MAP3K5: variants seen among roughly 807,000 people sequenced by gnomAD.
The protein encoded by MAP3K5 is mitogen-activated protein kinase kinase kinase 5.
Under a neutral mutation model 158.7 loss-of-function variants are expected in MAP3K5, and 56 were observed. That is an observed-to-expected ratio of 0.35 (90% CI 0.28 to 0.44). The LOEUF (loss-of-function observed/expected upper bound fraction) is 0.44, where lower values mean the gene tolerates loss of function less well. Ranked by LOEUF, MAP3K5 falls within the 20% of genes least tolerant of loss-of-function variation. MAP3K5 has a pLI of 1.00. For missense variants in MAP3K5, 1,294 were observed against 1,674.8 expected (o/e 0.77, Z 3.97); for synonymous variants, 579 against 601.7 (o/e 0.96, Z 0.55).
At position 136,697,234 on chromosome 6, in the gene MAP3K5, G is replaced by A; in HGVS notation, c.960C>T (p.Ser320=). 6.2e-7 allele frequency: 1 copy of A among 1,612,824 alleles called. No individual in the cohort carries two copies. The highest frequency in any genetic ancestry group is 1.1e-5 in the South Asian group (1 of 90,864). Residue 320 remains serine (S), a synonymous_variant, in exon 5 of 30, where the codon TCC becomes TCT. Coordinates refer to ENST00000359015, the MANE Select transcript of MAP3K5 (RefSeq NM_005923.4). ...TADIVINLLL[S]YRDIQDYDSI... is the part of the protein sequence containing the mutation. ...ATCTTCTCACCTGGATATCTCTGTA[G>A]GAAAGTAACAGATTTATGACAATAT...
chr6:136,609,157 G>C lies in MAP3K5; in HGVS notation c.2521+2125C>G, dbSNP rs1240203617. On this transcript the variant is annotated intron_variant, in intron 18 of 29. Transcript: ENST00000359015. The surrounding 1 kb of genome is among the most constrained non-coding windows in gnomAD (Gnocchi z 4.4). ...CTGTGTTAACATCCTGTCCCACAAAGTGTGTGAAACGAGGGATTTTCCTCT... is the reference window on the plus strand; with the variant it reads ...CTGTGTTAACATCCTGTCCCACAAACTGTGTGAAACGAGGGATTTTCCTCT... 6.6e-6 allele frequency among the ~76,000 whole-genome samples: 1 copy of C among 152,196 alleles called. No homozygotes were observed. Among genetic ancestry groups the C allele is most frequent in the Non-Finnish European group, 1.5e-5 (1 of 68,026 alleles).
chr6:136,675,714 G>C (rs755302670), intron 7 of MAP3K5, among the ~76,000 whole-genome samples: 2 of 152,002 alleles, frequency 1.3e-5, no homozygotes, highest in African/African-American at 2.4e-5. Context: ...CTTTCATCTA[G>C]TAAACGAACA....
chr6:136,682,315 G>T (rs976604143), intron 7 of MAP3K5, among the ~76,000 whole-genome samples: 1 of 152,184 alleles, frequency 6.6e-6, no homozygotes, highest in African/African-American at 2.4e-5. Context: ...GGTGGGGAGA[G>T]AGGGGGAAGG....
intron 11 of MAP3K5, chr6:136,647,840 C>T (rs1778338213): frequency 6.6e-6 from 1 of 152,560 alleles, no homozygotes; most frequent in Non-Finnish European, 1.5e-5. Flanking sequence ...CCATGCCTCA[C>T]TGATCTTCCT....
chr6:136,769,392 T>C (rs552141145), intron 1 of MAP3K5, among the ~76,000 whole-genome samples: 1 of 152,172 alleles, frequency 6.6e-6, no homozygotes, highest in East Asian at 1.9e-4. Context: ...GGGTTTATTT[T>C]TGAGGTGCCA....
At chr6:136,564,538 G>T (rs1774001684) in intron 26 of MAP3K5, among the ~76,000 whole-genome samples, 2 of 152,202 alleles carry the variant, frequency 1.3e-5, no homozygotes, top group South Asian at 4.1e-4. Flanking sequence ...GAATGTTTAA[G>T]TTGGCAGTTT....
intron 1 of MAP3K5, among the ~76,000 whole-genome samples, chr6:136,724,643 A>G (rs1781888267): frequency 6.6e-6 from 1 of 152,188 alleles, no homozygotes; most frequent in African/African-American, 2.4e-5. Flanking sequence ...TGCTATAAAG[A>G]ACACTGAAAG....
intron 21 of MAP3K5, among the ~76,000 whole-genome samples, chr6:136,596,900 C>T (rs1775657065): frequency 6.6e-6 from 1 of 152,166 alleles, no homozygotes; most frequent in Admixed American, 6.5e-5. Context: ...AGCACGGTGA[C>T]AGTTTCCAGA....
At chr6:136,640,635 C>T (rs1231101503) in intron 12 of MAP3K5, among the ~76,000 whole-genome samples, 2 of 152,188 alleles carry the variant, frequency 1.3e-5, no homozygotes, top group Admixed American at 1.3e-4. Context: ...TGTTAAATGT[C>T]TGTTCCTCTC....
At chr6:136,565,890 C>G (rs1774084139) in intron 26 of MAP3K5, among the ~76,000 whole-genome samples, 1 of 152,206 alleles carries the variant, frequency 6.6e-6, no homozygotes, top group Admixed American at 6.5e-5. Context: ...GGCTGATTAT[C>G]TGTAGATTTC....
rs1465519394 is a variant in MAP3K5, at chr6:136,695,898, A to C, written c.1082+53T>G. On this transcript the variant is annotated intron_variant, in intron 6 of 29. Coordinates refer to ENST00000359015, the MANE Select transcript of MAP3K5 (RefSeq NM_005923.4). ...GAACACATTCTCTGTAAAGAATTGC[A>C]GGTTACACAATAATATGTTAACGCA... is the stretch of plus-strand genomic sequence containing the variant. 4 of 1,017,508 alleles carry C rather than the reference A, an allele frequency of 3.9e-6. 1 individual carries two copies. The highest frequency in any genetic ancestry group is 4.0e-5 in the Admixed American group (2 of 49,856). The allele number at this position is 1,017,508 out of a possible 1,614,324, so 63.0% of individuals were successfully genotyped here.
rs1778702038 is a variant in MAP3K5 at position 136,655,504 on chromosome 6, A to G, written c.1680+803T>C. On this transcript the variant is annotated intron_variant, in intron 10 of 29. Coordinates refer to ENST00000359015, the MANE Select transcript of MAP3K5 (RefSeq NM_005923.4). ...AAGAACTAGAAAACAAGATTTCACA[A>G]AAAGAATTGAGAACTGTCACCGCCT... Among the ~76,000 whole-genome samples the G allele has an allele frequency of 2.6e-5, 4 of 152,246 alleles. No homozygotes were observed. The South Asian group carries it at 8.3e-4, about 31-fold the overall frequency.
At chr6:136,658,515 C>T (rs1583361883) in intron 9 of MAP3K5, among the ~76,000 whole-genome samples, 2 of 151,808 alleles carry the variant, frequency 1.3e-5, no homozygotes, top group East Asian at 1.9e-4. Flanking sequence ...GGGTTTCACC[C>T]GGTTGTCCAG....
At chr6:136,705,403 T>C (rs1351225089) in intron 2 of MAP3K5, among the ~76,000 whole-genome samples, 2 of 152,128 alleles carry the variant, frequency 1.3e-5, no homozygotes, top group African/African-American at 4.8e-5. Context: ...CAAGTGATCC[T>C]CCCACCTCAG....
chr6:136,581,291 G>T (rs1583215776), intron 24 of MAP3K5, among the ~76,000 whole-genome samples: 1 of 152,132 alleles, frequency 6.6e-6, no homozygotes, highest in South Asian at 2.1e-4. Flanking sequence ...CATGTGTCAG[G>T]ATTTCTTTCC....
intron 1 of MAP3K5, among the ~76,000 whole-genome samples, chr6:136,781,860 C>T (rs750179152): frequency 2.0e-5 from 3 of 152,082 alleles, no homozygotes; most frequent in African/African-American, 7.2e-5. Flanking sequence ...CCTGGTTGCC[C>T]CAGCTTTAAG....
rs981781072 is a variant in MAP3K5 at position 136,623,864 on chromosome 6, T to C, written c.2017-883A>G. Among the ~76,000 whole-genome samples, 5 of 152,184 alleles carry C rather than the reference T, an allele frequency of 3.3e-5. No individual in the cohort carries two copies. The East Asian group carries it at 9.6e-4, about 29-fold the overall frequency. The stretch of plus-strand genomic sequence containing the variant: ...TAAAACTGGCAGTCCATAGTTAGAT[T>C]CACCTCACAGCAGGGTCTGAGTTGG... On this transcript the variant is annotated intron_variant, in intron 14 of 29. Coordinates refer to ENST00000359015, the MANE Select transcript of MAP3K5 (RefSeq NM_005923.4).
At chr6:136,699,805 C>T (rs943681238) in intron 3 of MAP3K5, among the ~76,000 whole-genome samples, 1 of 152,108 alleles carries the variant, frequency 6.6e-6, no homozygotes, top group Non-Finnish European at 1.5e-5. Flanking sequence ...GGAAAGAAAA[C>T]ACAATCAGCT....
At chr6:136,690,787 T>C (rs1780350633) in intron 7 of MAP3K5, among the ~76,000 whole-genome samples, 1 of 152,192 alleles carries the variant, frequency 6.6e-6, no homozygotes, top group Non-Finnish European at 1.5e-5. Flanking sequence ...TTCATATATT[T>C]ATCATTTCCA....
Sources: gnomAD v4.1 joint callset for allele counts (sites outside exome capture counted in the v4.1 genomes callset) on GRCh38, gnomAD v4.1.1 for gene constraint, Gnocchi (gnomAD v3.1) non-coding constraint, MANE v1.5 for transcripts, NCBI Gene and HGNC (gene_info 2026-07-23, HGNC 2026-07-21) for gene names.